GRID1: variants seen among roughly 807,000 people sequenced by gnomAD.
GRID1 encodes glutamate receptor ionotropic, delta-1.
In GRID1, 28 loss-of-function variants were observed where a neutral mutation model predicts 98.0. That is an observed-to-expected ratio of 0.29 (90% CI 0.21 to 0.39). The LOEUF is 0.39. Ranked by LOEUF, GRID1 falls within the 10% of genes least tolerant of loss-of-function variation. The probability of loss-of-function intolerance (pLI) is 1.00; values close to 1 mark genes in which losing one functional copy is unlikely to be tolerated. For synonymous variants in GRID1, 553 were observed against 538.5 expected (o/e 1.03, Z -0.37); for missense variants, 1,111 against 1,340.5 (o/e 0.83, Z 2.67).
Position 85,854,518 on chromosome 10 carries a change from G to C in GRID1, c.1211C>G (p.Thr404Ser). 1 of 1,613,814 alleles carries C rather than the reference G, an allele frequency of 6.2e-7. No individual in the cohort carries two copies. Among genetic ancestry groups the C allele is most frequent in the Non-Finnish European group, 8.5e-7 (1 of 1,179,682 alleles). ...FEILGTTYSETFGKDMRKLAT... is the reference protein window; with the variant it reads ...FEILGTTYSESFGKDMRKLAT... ...TACCTTGCGCATGTCTTTGCCAAAAGTCTCACTATAGGTAGTGCCAAGGAT... is the reference window on the plus strand; with the variant it reads ...TACCTTGCGCATGTCTTTGCCAAAACTCTCACTATAGGTAGTGCCAAGGAT... Residue 404 changes from threonine (T) to serine (S), a missense_variant, in exon 8 of 16, where the codon ACT becomes AGT. Thr to Ser is a moderately conservative substitution (Grantham distance 58). Coordinates refer to ENST00000327946, the MANE Select transcript of GRID1 (RefSeq NM_017551.3).
intron 4 of GRID1, among the ~76,000 whole-genome samples, chr10:86,055,558 C>G (rs766810691): frequency 6.6e-6 from 1 of 152,156 alleles, no homozygotes; most frequent in African/African-American, 2.4e-5. Context: ...GCCTGGCCAA[C>G]ATGGTGAAAC....
intron 13 of GRID1, among the ~76,000 whole-genome samples, chr10:85,640,040 A>G (rs1843096798): frequency 6.6e-6 from 1 of 151,892 alleles, no homozygotes; most frequent in Admixed American, 6.6e-5. Flanking sequence ...CAAGTATCAC[A>G]GATGGTACAG....
intron 4 of GRID1, among the ~76,000 whole-genome samples, chr10:86,049,713 C>G (rs946403835): frequency 4.6e-5 from 7 of 152,376 alleles, no homozygotes; most frequent in Middle Eastern, 3.4e-3. Context: ...TTGACTACCT[C>G]TGGGACCAGA....
chr10:85,704,383 T>C (rs1403456756), intron 12 of GRID1, among the ~76,000 whole-genome samples: 1 of 152,158 alleles, frequency 6.6e-6, no homozygotes, highest in African/African-American at 2.4e-5. Context: ...GGCCATTACA[T>C]AATGGTAAAG....
chr10:85,910,532 C>G (rs1174302231), intron 5 of GRID1, among the ~76,000 whole-genome samples: 1 of 152,154 alleles, frequency 6.6e-6, no homozygotes, highest in African/African-American at 2.4e-5. Context: ...ACTGAGTACT[C>G]GTTGGTGACA....
At chr10:85,996,611 T>C (rs1191367879) in intron 4 of GRID1, among the ~76,000 whole-genome samples, 3 of 151,966 alleles carry the variant, frequency 2.0e-5, no homozygotes, top group Non-Finnish European at 4.4e-5. Flanking sequence ...AAAGATCTAA[T>C]ATTTGTGTTA....
At chr10:85,959,401 G>A (rs1239065506) in intron 4 of GRID1, among the ~76,000 whole-genome samples, 6 of 152,142 alleles carry the variant, frequency 3.9e-5, no homozygotes, top group Non-Finnish European at 8.8e-5. Context: ...CAGTGCCTTG[G>A]CAGCATCTGC....
intron 5 of GRID1, among the ~76,000 whole-genome samples, chr10:85,910,864 C>T (rs1841527975): frequency 6.6e-6 from 1 of 152,164 alleles, no homozygotes; most frequent in South Asian, 2.1e-4. Context: ...ATACAGAAGT[C>T]CTTTTGGCAG....
intron 3 of GRID1, among the ~76,000 whole-genome samples, chr10:86,151,252 A>G (rs554202550): frequency 6.6e-6 from 1 of 152,170 alleles, no homozygotes; most frequent in Non-Finnish European, 1.5e-5. Context: ...TCTGGTTTGC[A>G]ATGCTGAGGT....
intron 2 of GRID1, among the ~76,000 whole-genome samples, chr10:86,208,636 C>A (rs759341831): frequency 1.3e-5 from 2 of 152,182 alleles, no homozygotes; most frequent in Non-Finnish European, 2.9e-5. Flanking sequence ...GGCATTATCC[C>A]CCTTCACTGC....
chr10:85,758,853 C>T (rs2132695629), intron 8 of GRID1, among the ~76,000 whole-genome samples: 1 of 152,278 alleles, frequency 6.6e-6, no homozygotes, highest in Middle Eastern at 3.4e-3. Flanking sequence ...TGGAGAGCCT[C>T]CCACTATAAG....
At chr10:86,311,740 A>G (rs1424373752) in intron 2 of GRID1, among the ~76,000 whole-genome samples, 1 of 152,210 alleles carries the variant, frequency 6.6e-6, no homozygotes, top group Non-Finnish European at 1.5e-5. Flanking sequence ...TCACGCCTGT[A>G]ATTCCAGCAC....
chr10:86,138,788 G>A, intron 4 of GRID1, 31 bp downstream of exon 4: 1 of 1,564,890 alleles, frequency 6.4e-7, no homozygotes, highest in Non-Finnish European at 8.8e-7. Flanking sequence ...TGGGCACCAG[G>A]CCCCTGAGGC....
intron 3 of GRID1, among the ~76,000 whole-genome samples, chr10:86,143,001 C>A (rs1845031509): frequency 1.3e-5 from 2 of 152,276 alleles, no homozygotes; most frequent in Non-Finnish European, 2.9e-5. Context: ...CCTCCCACTG[C>A]TGCATTTCTG....
At chr10:85,645,272 C>T (rs773790835) in intron 13 of GRID1, among the ~76,000 whole-genome samples, 3 of 151,966 alleles carry the variant, frequency 2.0e-5, no homozygotes, top group Non-Finnish European at 2.9e-5. Flanking sequence ...AAAGGGAACG[C>T]GAAGGCCATT....
intron 8 of GRID1, among the ~76,000 whole-genome samples, chr10:85,795,683 G>A (rs2132746625): frequency 6.6e-6 from 1 of 152,284 alleles, no homozygotes; most frequent in African/African-American, 2.4e-5. Context: ...ACAGGCAACG[G>A]CACGTCGAAT....
At chr10:86,040,579 G>A (rs1434001294) in intron 4 of GRID1, among the ~76,000 whole-genome samples, 3 of 151,586 alleles carry the variant, frequency 2.0e-5, no homozygotes, top group Non-Finnish European at 4.4e-5. Context: ...CAGAGACTGA[G>A]GAGAAAAGGG....
intron 3 of GRID1, among the ~76,000 whole-genome samples, chr10:86,171,976 A>G (rs1476089696): frequency 6.6e-6 from 1 of 152,142 alleles, no homozygotes; most frequent in Non-Finnish European, 1.5e-5. Flanking sequence ...TGGTTGGTAT[A>G]TTTTTTTCAA....
intron 8 of GRID1, among the ~76,000 whole-genome samples, chr10:85,814,505 A>G (rs1842699369): frequency 6.6e-6 from 1 of 152,034 alleles, no homozygotes; most frequent in African/African-American, 2.4e-5. Context: ...ACTAAAAGAT[A>G]GTGTCTTTGA....
Sources: gnomAD v4.1 joint callset for allele counts (sites outside exome capture counted in the v4.1 genomes callset) on GRCh38, gnomAD v4.1.1 for gene constraint, MANE v1.5 for transcripts, NCBI Gene and HGNC (gene_info 2026-07-23, HGNC 2026-07-21) for gene names.